Variants in GCSH observed in about 807,000 individuals in gnomAD.
The protein encoded by GCSH is glycine cleavage system H protein, mitochondrial.
Under a neutral mutation model 21.3 loss-of-function variants are expected in GCSH, and 15 were observed. That is an observed-to-expected ratio of 0.70 (90% CI 0.47 to 1.08). The LOEUF (loss-of-function observed/expected upper bound fraction) is 1.08, where lower values mean the gene tolerates loss of function less well. Among genes scored for constraint, GCSH ranks in the 50% least tolerant of loss-of-function variants. The probability of loss-of-function intolerance (pLI) is 0.00; values close to 1 mark genes in which losing one functional copy is unlikely to be tolerated. For synonymous variants in GCSH, 59 were observed against 84.5 expected (o/e 0.70, Z 1.66); for missense variants, 179 against 217.5 (o/e 0.82, Z 1.11).
chr16:81,087,111 G>C (rs1972296510), intron 3 of GCSH, among the ~76,000 whole-genome samples: 1 of 151,874 alleles, frequency 6.6e-6, no homozygotes, highest in Admixed American at 6.6e-5. Context: ...TGTTGCCCAG[G>C]CTGGAGTACA....
intron 2 of GCSH, among the ~76,000 whole-genome samples, chr16:81,087,890 C>T (rs777197505): frequency 6.6e-6 from 1 of 151,948 alleles, no homozygotes; most frequent in Non-Finnish European, 1.5e-5. Flanking sequence ...TTGAAAGGCC[C>T]AAAGTGGGTG....
At chr16:81,092,613 C>A (rs1972419206) in intron 1 of GCSH, among the ~76,000 whole-genome samples, 1 of 151,278 alleles carries the variant, frequency 6.6e-6, no homozygotes, top group Non-Finnish European at 1.5e-5. Context: ...TGTGGTGGCA[C>A]ACTCCTGTAA....
chr16:81,096,091 G>A, intron 1 of GCSH, 40 bp downstream of exon 1: 1 of 1,234,352 alleles, frequency 8.1e-7, no homozygotes, highest in Non-Finnish European at 1.0e-6. Context: ...AGCAGCCCAG[G>A]CGGGGAGGGA....
intron 1 of GCSH, among the ~76,000 whole-genome samples, chr16:81,095,050 G>A (rs1174532679): frequency 4.0e-5 from 6 of 151,210 alleles, no homozygotes; most frequent in African/African-American, 9.7e-5. Context: ...CCGAGATCAC[G>A]CCGCTGCACT....
chr16:81,088,284 T>G (rs867651910), intron 2 of GCSH, among the ~76,000 whole-genome samples: 6 of 151,682 alleles, frequency 4.0e-5, no homozygotes, highest in Non-Finnish European at 7.4e-5. Flanking sequence ...TAAAATGATT[T>G]TAAAAAACTA....
At chr16:81,089,043 A>G (rs1193482207) in intron 2 of GCSH, among the ~76,000 whole-genome samples, 1 of 152,234 alleles carries the variant, frequency 6.6e-6, no homozygotes, top group East Asian at 1.9e-4. Context: ...GTAGGTATAC[A>G]GAGATGCCAA....
intron 1 of GCSH, among the ~76,000 whole-genome samples, chr16:81,093,270 G>T (rs1440170374): frequency 1.3e-5 from 2 of 152,042 alleles, no homozygotes; most frequent in African/African-American, 4.8e-5. Context: ...TGCCAATTAT[G>T]AGCAGTTTGA....
Position 81,090,584 on chromosome 16 carries a change from T to G in GCSH, c.228+17A>C. 6.6e-7 allele frequency: 1 copy of G among 1,511,208 alleles called. No homozygotes were observed. The highest frequency in any genetic ancestry group is 9.2e-7 in the Non-Finnish European group (1 of 1,087,312). 93.6% of individuals were successfully genotyped at this position (1,511,208 alleles called of 1,614,324 possible). Reference sequence around the variant, plus strand: ...GCAAGAGCACACTGGGACAAATATTTCAATATAATCCAATACCTGTGCAAA... The same window carrying G: ...GCAAGAGCACACTGGGACAAATATTGCAATATAATCCAATACCTGTGCAAA... On this transcript the variant is annotated intron_variant, in intron 2 of 4. Coordinates refer to ENST00000315467, the MANE Select transcript of GCSH (RefSeq NM_004483.5).
intron 3 of GCSH, among the ~76,000 whole-genome samples, chr16:81,087,364 A>G (rs1972303996): frequency 6.6e-6 from 1 of 152,052 alleles, no homozygotes; most frequent in African/African-American, 2.4e-5. Context: ...TGTCTCTACA[A>G]TACAAAAATT....
intron 1 of GCSH, chr16:81,091,141 C>G (rs1198641424): frequency 2.2e-6 from 1 of 448,946 alleles, no homozygotes; most frequent in East Asian, 6.9e-5. Flanking sequence ...AATCAGGTGC[C>G]TCTTTAGGCA....
At chr16:81,089,274 T>C (rs551892465) in intron 2 of GCSH, among the ~76,000 whole-genome samples, 94 of 152,332 alleles carry the variant, frequency 6.2e-4, no homozygotes, top group Non-Finnish European at 1.1e-3. Context: ...ACTTAATACA[T>C]GAGCACTCCT....
chr16:81,090,751 G>C, intron 1 of GCSH, 71 bp from the exon 2 acceptor site: 4 of 1,049,746 alleles, frequency 3.8e-6, no homozygotes, highest in Non-Finnish European at 6.0e-6. Context: ...CATTACCATT[G>C]CTTTCAAAAG....
chr16:81,086,441 C>T (rs8177925), intron 3 of GCSH, among the ~76,000 whole-genome samples: 5,900 of 151,984 alleles, frequency 0.039, 301 homozygotes, highest in African/African-American at 0.12. Flanking sequence ...CCTGTACTCC[C>T]AGCTACTTGG....
intron 3 of GCSH, among the ~76,000 whole-genome samples, chr16:81,085,719 G>C (rs1353435356): frequency 1.3e-5 from 2 of 152,082 alleles, no homozygotes; most frequent in African/African-American, 4.8e-5. Context: ...AATTAGCCGG[G>C]CGTGGTGGTG....
At chr16:81,093,085 T>A (rs1047712239) in intron 1 of GCSH, among the ~76,000 whole-genome samples, 22 of 150,886 alleles carry the variant, frequency 1.5e-4, no homozygotes, top group African/African-American at 5.4e-4. Flanking sequence ...TGAGCCGAGA[T>A]TGCACCATTG....
chr16:81,092,159 A>G (rs1280101802), intron 1 of GCSH, among the ~76,000 whole-genome samples: 2 of 152,134 alleles, frequency 1.3e-5, no homozygotes, highest in Admixed American at 1.3e-4. Flanking sequence ...CTTCCGGTCT[A>G]GATTCAGAAG....
intron 4 of GCSH, 71 bp from the exon 5 acceptor site, chr16:81,083,034 TA>T: frequency 1.1e-6 from 1 of 942,628 alleles, no homozygotes; most frequent in South Asian, 1.3e-5. Context: ...AAACGTAAAA[TA>T]AATTTCTGAG....
chr16:81,093,123 CAA>C (rs58955612), intron 1 of GCSH, among the ~76,000 whole-genome samples: 34 of 69,350 alleles, frequency 4.9e-4, no homozygotes, highest in Non-Finnish European at 5.1e-4. Flanking sequence ...ACTTCATCTC[CAA>C]AAAAAAAAAA....
chr16:81,090,096 C>CTTT (rs112174861), intron 2 of GCSH, among the ~76,000 whole-genome samples: 1 of 146,136 alleles, frequency 6.8e-6, no homozygotes, highest in African/African-American at 2.5e-5. Flanking sequence ...TTCTTTCTTT[C>CTTT]TTTTTTTTTT....
Sources: allele counts gnomAD v4.1 joint callset (sites outside exome capture counted in the v4.1 genomes callset), GRCh38; gene constraint gnomAD v4.1.1; transcripts MANE v1.5; gene names NCBI Gene and HGNC (gene_info 2026-07-23, HGNC 2026-07-21).